The following DOCK9 variants were observed in gnomAD, a reference collection of about 807,000 sequenced individuals.
DOCK9 encodes dedicator of cytokinesis 9.
A neutral mutation model predicts 263.3 loss-of-function variants in DOCK9; 89 were observed. The ratio of observed to expected loss-of-function variants is 0.34; its 90% CI spans 0.28 to 0.40. The LOEUF (loss-of-function observed/expected upper bound fraction) is 0.40, where lower values mean the gene tolerates loss of function less well. Ranked by LOEUF, DOCK9 falls within the 10% of genes least tolerant of loss-of-function variation. DOCK9 has a pLI of 1.00. For missense variants in DOCK9, 2,140 were observed against 2,603.4 expected (o/e 0.82, Z 3.87); for synonymous variants, 976 against 973.1 (o/e 1.00, Z -0.06).
intron 12 of DOCK9, 115 bp from the exon 13 acceptor site, chr13:98,902,015 G>C: frequency 7.7e-7 from 1 of 1,303,404 alleles, no homozygotes; most frequent in Non-Finnish European, 1.0e-6. Flanking sequence ...AAAGCACCCA[G>C]TGCCAAACTA....
At chr13:98,902,145 ACTGT>A in intron 12 of DOCK9, 139 bp downstream of exon 12, 1 of 1,029,174 alleles carries the variant, frequency 9.7e-7, no homozygotes. Context: ...GCTTGCTTTT[ACTGT>A]CTAATAATAA....
chr13:98,907,125 G>A (rs79591225), intron 9 of DOCK9, among the ~76,000 whole-genome samples: 1,715 of 152,308 alleles, frequency 0.011, 77 homozygotes, highest in Admixed American at 0.077. Context: ...CACACCAAAA[G>A]AGTGAGAACA....
intron 1 of DOCK9, among the ~76,000 whole-genome samples, chr13:98,998,593 G>A (rs1187611265): frequency 6.6e-6 from 1 of 152,070 alleles, no homozygotes; most frequent in African/African-American, 2.4e-5. Context: ...AGGAAGCATG[G>A]TCCAGGTCAG....
intron 22 of DOCK9, among the ~76,000 whole-genome samples, chr13:98,883,590 A>G (rs1399336210): frequency 1.3e-5 from 2 of 152,248 alleles, no homozygotes; most frequent in Non-Finnish European, 2.9e-5. Flanking sequence ...AATAACATCA[A>G]GAAGATCCTC....
intron 52 of DOCK9, among the ~76,000 whole-genome samples, chr13:98,796,910 T>C (rs181676587): frequency 1.4e-3 from 215 of 152,290 alleles, no homozygotes; most frequent in African/African-American, 4.8e-3. Context: ...CGCTCTCCCC[T>C]GCTTGCCGTA....
chr13:99,086,718 G>T (rs1566413739), upstream of DOCK9: 1 of 146,780 alleles, frequency 6.8e-6, no homozygotes, highest in African/African-American at 2.5e-5. Context: ...CGGGCGGGGC[G>T]GGGCGCCCGG....
intron 1 of DOCK9, among the ~76,000 whole-genome samples, chr13:98,971,949 C>T (rs77832542): frequency 0.017 from 2,593 of 152,302 alleles, 66 homozygotes; most frequent in African/African-American, 0.053. Flanking sequence ...TAACAATTTT[C>T]AAGTTTTTAA....
chr13:98,908,330 CA>C (rs1205907750), intron 9 of DOCK9, among the ~76,000 whole-genome samples: 1 of 152,004 alleles, frequency 6.6e-6, no homozygotes, highest in African/African-American at 2.4e-5. Flanking sequence ...ATGTTTAAAG[CA>C]TTAAAAACAC....
intron 50 of DOCK9, among the ~76,000 whole-genome samples, chr13:98,798,439 G>A (rs1253037087): frequency 2.0e-5 from 3 of 152,170 alleles, no homozygotes; most frequent in South Asian, 4.1e-4. Flanking sequence ...CCTCTGAGCC[G>A]GGGGCAATGG....
intron 9 of DOCK9, among the ~76,000 whole-genome samples, chr13:98,906,603 C>T (rs2049138309): frequency 6.6e-6 from 1 of 152,180 alleles, no homozygotes; most frequent in Non-Finnish European, 1.5e-5. Context: ...ATGGGGCACT[C>T]ACAACCACAG....
At position 98,963,526 on chromosome 13, in the gene DOCK9, C is replaced by G. The variant is rs545888546; in HGVS notation, c.127-7975G>C. ...ATGTGATAGCTTCAAATGAACTTTC[C>G]AGTCATTTCTTGCCCTTGTGTCTCT... On this transcript the variant is annotated intron_variant, in intron 1 of 52. Coordinates refer to ENST00000682017, the MANE Select transcript of DOCK9 (RefSeq NM_001366683.2). Among the ~76,000 whole-genome samples the G allele has an allele frequency of 1.5e-3, 221 of 152,308 alleles. 8 individuals are homozygous for G. In the South Asian group the frequency reaches 0.045, roughly 31 times the overall value.
At chr13:98,923,695 GA>G (rs571936559) in intron 4 of DOCK9, among the ~76,000 whole-genome samples, 2 of 151,984 alleles carry the variant, frequency 1.3e-5, no homozygotes, top group Non-Finnish European at 2.9e-5. Flanking sequence ...AGTTTATGAG[GA>G]AAAAAAGGAA....
intron 13 of DOCK9, among the ~76,000 whole-genome samples, chr13:98,900,360 G>A (rs1036010230): frequency 1.3e-5 from 2 of 152,142 alleles, no homozygotes; most frequent in Admixed American, 6.5e-5. Flanking sequence ...ATACACGGTC[G>A]GGGGAGGAGA....
At chr13:98,961,834 ACTGTGTC>A (rs2058671897) in intron 1 of DOCK9, among the ~76,000 whole-genome samples, 1 of 152,172 alleles carries the variant, frequency 6.6e-6, no homozygotes, top group South Asian at 2.1e-4. Flanking sequence ...GAACGTGCCC[ACTGTGTC>A]CACCCAATGT....
At chr13:99,037,434 A>T (rs976092433) in intron 1 of DOCK9, among the ~76,000 whole-genome samples, 3 of 152,220 alleles carry the variant, frequency 2.0e-5, no homozygotes, top group Non-Finnish European at 4.4e-5. Context: ...CTACTTATTA[A>T]ATGACTACAA....
chr13:98,939,883 C>T (rs1296084986), intron 2 of DOCK9, among the ~76,000 whole-genome samples: 5 of 152,222 alleles, frequency 3.3e-5, no homozygotes, highest in Non-Finnish European at 7.3e-5. Context: ...CTGCATGGTG[C>T]CTCACGTCTC....
intron 1 of DOCK9, among the ~76,000 whole-genome samples, chr13:99,020,280 A>ACC (rs1422351493): frequency 6.6e-6 from 1 of 152,160 alleles, no homozygotes; most frequent in Non-Finnish European, 1.5e-5. Context: ...CTAAAACAGC[A>ACC]CCTTGCTTGA....
upstream of DOCK9, among the ~76,000 whole-genome samples, chr13:98,981,034 A>G (rs1877054807): frequency 6.6e-6 from 1 of 152,030 alleles, no homozygotes; most frequent in Admixed American, 6.6e-5. Context: ...AAATATATCA[A>G]GTTGTAAAGC....
chr13:99,054,099 T>C (rs2142230786), intron 1 of DOCK9, among the ~76,000 whole-genome samples: 1 of 152,344 alleles, frequency 6.6e-6, no homozygotes, highest in African/African-American at 2.4e-5. Flanking sequence ...ACTGCAATTC[T>C]TTGCCGCATC....
Sources: allele counts gnomAD v4.1 joint callset (sites outside exome capture counted in the v4.1 genomes callset), GRCh38; gene constraint gnomAD v4.1.1; transcripts MANE v1.5; gene names NCBI Gene and HGNC (gene_info 2026-07-23, HGNC 2026-07-21).